The following ANKRD17 variants were observed in gnomAD, a reference collection of about 807,000 sequenced individuals.
ANKRD17 encodes ankyrin repeat domain 17.
Under a neutral mutation model 229.7 loss-of-function variants are expected in ANKRD17, and 19 were observed. That is an observed-to-expected ratio of 0.08 (90% CI 0.06 to 0.12). The LOEUF (loss-of-function observed/expected upper bound fraction) is 0.12. ANKRD17 is among the 10% of genes least tolerant of loss of function. The pLI is 1.00. For missense variants in ANKRD17, 2,176 were observed against 3,176.8 expected (o/e 0.68, Z 7.57); for synonymous variants, 1,112 against 1,146.1 (o/e 0.97, Z 0.60).
chr4:73,118,655 A>G (rs1560542915), intron 22 of ANKRD17, 33 bp downstream of exon 22: 2 of 1,610,804 alleles, frequency 1.2e-6, no homozygotes, highest in Admixed American at 1.7e-5. Flanking sequence ...AAGTAAAAAA[A>G]CATCCAGGTA....
chr4:73,202,765 CA>C (rs1578376630), intron 1 of ANKRD17, among the ~76,000 whole-genome samples: 1 of 152,266 alleles, frequency 6.6e-6, no homozygotes, highest in East Asian at 1.9e-4. Context: ...TATAATATCA[CA>C]ACATCCAGCA....
chr4:73,112,009 A>G (rs930381760), intron 24 of ANKRD17, among the ~76,000 whole-genome samples: 2 of 152,216 alleles, frequency 1.3e-5, no homozygotes, highest in Non-Finnish European at 2.9e-5. Context: ...AAACATGAGG[A>G]CATCTAAGGG....
chr4:73,168,150 CA>C (rs1182241389), intron 2 of ANKRD17, among the ~76,000 whole-genome samples: 10 of 145,280 alleles, frequency 6.9e-5, no homozygotes, highest in Admixed American at 1.4e-4. Flanking sequence ...GACTCCGTCT[CA>C]AAAAAAAATT....
chr4:73,104,338 C>T (rs761330692), intron 24 of ANKRD17, among the ~76,000 whole-genome samples: 1 of 152,122 alleles, frequency 6.6e-6, no homozygotes, highest in Non-Finnish European at 1.5e-5. Flanking sequence ...TGTGACTCAG[C>T]TCATTTGAGC....
intron 1 of ANKRD17, among the ~76,000 whole-genome samples, chr4:73,216,390 A>G (rs1741043287): frequency 6.6e-6 from 1 of 152,206 alleles, no homozygotes; most frequent in Non-Finnish European, 1.5e-5. Flanking sequence ...TGAGTTCTCA[A>G]TAATTTTTAA....
intron 25 of ANKRD17, chr4:73,101,172 C>T: frequency 3.3e-5 from 31 of 945,672 alleles, no homozygotes; most frequent in Non-Finnish European, 3.9e-5. Context: ...GGAAACCATC[C>T]CCTGTGGATA....
chr4:73,145,397 T>G (rs997282568), intron 10 of ANKRD17, among the ~76,000 whole-genome samples: 1 of 152,136 alleles, frequency 6.6e-6, no homozygotes, highest in Admixed American at 6.6e-5. Flanking sequence ...TTACAAGAGC[T>G]TTCTGGGTCC....
intron 1 of ANKRD17, among the ~76,000 whole-genome samples, chr4:73,233,301 A>G (rs1178058727): frequency 6.6e-6 from 1 of 152,054 alleles, no homozygotes; most frequent in Non-Finnish European, 1.5e-5. Context: ...GTTGCCCTCC[A>G]TCTCCTAAAT....
intron 16 of ANKRD17, among the ~76,000 whole-genome samples, chr4:73,126,877 C>T (rs182809361): frequency 2.2e-4 from 33 of 152,260 alleles, no homozygotes; most frequent in South Asian, 6.2e-4. Flanking sequence ...GGTTTACAGG[C>T]GTCTGCCACC....
intron 25 of ANKRD17, 174 bp from the exon 26 acceptor site, chr4:73,098,694 C>T (rs1227021697): frequency 1.2e-6 from 1 of 853,100 alleles, no homozygotes; most frequent in Non-Finnish European, 1.9e-6. Context: ...ACTCTGTGTA[C>T]CCACGTTCTG....
At chr4:73,128,113 C>A (rs1727715291) in intron 16 of ANKRD17, among the ~76,000 whole-genome samples, 1 of 152,116 alleles carries the variant, frequency 6.6e-6, no homozygotes, top group African/African-American at 2.4e-5. Context: ...ACTATTTGAT[C>A]TTCATTTCAG....
chr4:73,255,365 T>C (rs1457786525), intron 1 of ANKRD17, among the ~76,000 whole-genome samples: 1 of 152,240 alleles, frequency 6.6e-6, no homozygotes, highest in African/African-American at 2.4e-5. Context: ...TCCTTTCAGG[T>C]TAAATACCAC....
chr4:73,120,854 ATG>A, intron 20 of ANKRD17, 25 bp downstream of exon 20: 1 of 1,590,800 alleles, frequency 6.3e-7, no homozygotes, highest in Non-Finnish European at 8.6e-7. Flanking sequence ...CAATAAATTC[ATG>A]TGTAAATCTC....
At chr4:73,171,557 C>T (rs892763073) in intron 2 of ANKRD17, among the ~76,000 whole-genome samples, 1 of 152,164 alleles carries the variant, frequency 6.6e-6, no homozygotes, top group Non-Finnish European at 1.5e-5. Context: ...ATGACCTCAC[C>T]AAATGAACTA....
At chr4:73,196,157 G>A (rs970751505) in intron 1 of ANKRD17, among the ~76,000 whole-genome samples, 2 of 151,822 alleles carry the variant, frequency 1.3e-5, no homozygotes, top group African/African-American at 4.8e-5. Context: ...CTGCCACCAT[G>A]CCCAGCTTAT....
chr4:73,247,193 T>A (rs1385549109), intron 1 of ANKRD17, among the ~76,000 whole-genome samples: 2 of 152,150 alleles, frequency 1.3e-5, no homozygotes, highest in Non-Finnish European at 2.9e-5. Context: ...ATACTCAATG[T>A]TGACAGTAAT....
chr4:73,250,611 A>AAAAAAAAAAAAAAAAAAAC (rs1560788833), intron 1 of ANKRD17, among the ~76,000 whole-genome samples: 1 of 149,056 alleles, frequency 6.7e-6, no homozygotes, highest in African/African-American at 2.5e-5. Context: ...AAAAAAAAAA[A>AAAAAAAAAAAAAAAAAAAC]AAAACAGAAA....
At chr4:73,087,950 A>C (rs1018833712) in intron 29 of ANKRD17, among the ~76,000 whole-genome samples, 1 of 151,886 alleles carries the variant, frequency 6.6e-6, no homozygotes, top group Non-Finnish European at 1.5e-5. Flanking sequence ...AAGCAGCAAA[A>C]GAGAGGAAAA....
At chr4:73,106,028 A>G (rs185434598) in intron 24 of ANKRD17, among the ~76,000 whole-genome samples, 1 of 152,298 alleles carries the variant, frequency 6.6e-6, no homozygotes, top group Non-Finnish European at 1.5e-5. Flanking sequence ...CTCACTTTCT[A>G]TATTTTCTCT....
Sources: allele counts gnomAD v4.1 joint callset (sites outside exome capture counted in the v4.1 genomes callset), GRCh38; gene constraint gnomAD v4.1.1; transcripts MANE v1.5; gene names NCBI Gene and HGNC (gene_info 2026-07-23, HGNC 2026-07-21).